CHTOP: variants seen among roughly 807,000 people sequenced by gnomAD.
The protein encoded by CHTOP is chromatin target of PRMT1.
A neutral mutation model predicts 33.6 loss-of-function variants in CHTOP; 18 were observed. That is an observed-to-expected ratio of 0.54 (90% CI 0.37 to 0.80). The LOEUF (loss-of-function observed/expected upper bound fraction) is 0.80. Ranked by LOEUF, CHTOP falls within the 30% of genes least tolerant of loss-of-function variation. The pLI is 0.00. For missense variants in CHTOP, 263 were observed against 336.8 expected, an observed-to-expected ratio of 0.78 and a Z score of 1.71; for synonymous variants, 117 against 127.7, an observed-to-expected ratio of 0.92 and a Z score of 0.56.
chr1:153,642,097 C>A, intron 3 of CHTOP, 149 bp from the exon 4 acceptor site: 1 of 574,160 alleles, frequency 1.7e-6, no homozygotes. Flanking sequence ...AGGCTTGCTT[C>A]TGGTTTGGGA....
chr1:153,635,166 T>A (rs947517950), intron 1 of CHTOP, among the ~76,000 whole-genome samples: 2 of 151,366 alleles, frequency 1.3e-5, no homozygotes, highest in Non-Finnish European at 2.9e-5. Context: ...GTATTTTCAC[T>A]GTAGATCAGT....
chr1:153,642,518 T>C, intron 4 of CHTOP, 89 bp downstream of exon 4: 2 of 1,063,202 alleles, frequency 1.9e-6, no homozygotes, highest in African/African-American at 1.6e-5. Context: ...TTAACATCTT[T>C]AAGCCTGAAT....
At chr1:153,645,026 A>G (rs1668756836) in intron 5 of CHTOP, 38 bp from the exon 6 acceptor site, 1 of 1,556,384 alleles carries the variant, frequency 6.4e-7, no homozygotes, top group African/African-American at 1.4e-5. Context: ...ACTTACTTGT[A>G]ACTGTCTCTT....
chr1:153,638,377 G>A lies in CHTOP; in HGVS notation c.148G>A (p.Ala50Thr). 6.2e-7 allele frequency: 1 copy of A among 1,614,240 alleles called. No individual in the cohort carries two copies. Among genetic ancestry groups the A allele is most frequent in the South Asian group, 1.1e-5 (1 of 91,082 alleles). Residue 50 changes from alanine to threonine, a missense_variant, in exon 3 of 6, where the codon GCC becomes ACC. Coordinates refer to ENST00000368694, the MANE Select transcript of CHTOP (RefSeq NM_015607.4). ...SMQQQQQLAS[A>T]RNRRLAQQME... The stretch of plus-strand genomic sequence containing the variant: ...GCAGCAACAACAGCAGCTAGCCAGT[G>A]CCAGAAACAGAAGACTGGCCCAGCA...
chr1:153,636,635 A>T lies in CHTOP; in HGVS notation c.47A>T (p.Lys16Met). The change falls in exon 2 of 6, where the codon AAG becomes ATG. Residue 16 changes from lysine (K) to methionine (M), a missense_variant. Physicochemically the swap from Lys to Met is moderately conservative, Grantham distance 95 (BLOSUM62 -1). Around this residue, in one of 3 missense-constraint regions of CHTOP, gnomAD observed 73 missense variants for 108.9 expected, o/e 0.67. Coordinates refer to ENST00000368694, the MANE Select transcript of CHTOP (RefSeq NM_015607.4). The stretch of plus-strand genomic sequence containing the variant: ...AAAGTTGTGCTAAAAAGCACCACCA[A>T]GATGTCTCTAAATGAGCGGTGAGGC... ...APKVVLKSTT[K>M]MSLNERFTNM... The T allele has an allele frequency of 1.2e-6, 2 of 1,613,810 alleles. No individual in the cohort carries two copies. The highest frequency in any genetic ancestry group is 1.7e-6 in the Non-Finnish European group (2 of 1,179,688).
chr1:153,636,263 A>G (rs903763338), intron 1 of CHTOP, among the ~76,000 whole-genome samples: 24 of 151,962 alleles, frequency 1.6e-4, no homozygotes, highest in African/African-American at 5.6e-4. Context: ...GGTAATTGCC[A>G]TAGAAACTTA....
chr1:153,635,724 G>T (rs1668359403), intron 1 of CHTOP, among the ~76,000 whole-genome samples: 1 of 151,934 alleles, frequency 6.6e-6, no homozygotes, highest in Admixed American at 6.6e-5. Context: ...TCAGGAGGCT[G>T]AGGCAGGAGA....
intron 1 of CHTOP, among the ~76,000 whole-genome samples, chr1:153,635,493 T>C (rs888564857): frequency 1.3e-5 from 2 of 151,782 alleles, no homozygotes; most frequent in Non-Finnish European, 1.5e-5. Flanking sequence ...ATAAGTCATA[T>C]GTAGTCAAGG....
At chr1:153,640,436 T>C (rs1668579061) in intron 3 of CHTOP, among the ~76,000 whole-genome samples, 1 of 152,052 alleles carries the variant, frequency 6.6e-6, no homozygotes. Context: ...ACCACTGCAT[T>C]CCAGCTTGGG....
intron 1 of CHTOP, 123 bp from the exon 2 acceptor site, chr1:153,636,449 C>A: frequency 1.6e-6 from 1 of 611,142 alleles, no homozygotes; most frequent in East Asian, 2.9e-5. Flanking sequence ...TTGAAATGTG[C>A]CCTCGTGTGC....
At chr1:153,640,959 G>T (rs909517985) in intron 3 of CHTOP, among the ~76,000 whole-genome samples, 1 of 152,202 alleles carries the variant, frequency 6.6e-6, no homozygotes, top group Non-Finnish European at 1.5e-5. Flanking sequence ...TTCTTTTAAA[G>T]CACAAAGCTT....
At chr1:153,642,545 A>G in intron 4 of CHTOP, 116 bp downstream of exon 4, 2 of 767,744 alleles carry the variant, frequency 2.6e-6, no homozygotes, top group Non-Finnish European at 4.0e-6. Context: ...TAATATAATA[A>G]CTTCTGAAAT....
In CHTOP at chr1:153,643,461, G is replaced by A. The variant is rs1668698210; in HGVS notation, c.541+97G>A. The stretch of plus-strand genomic sequence containing the variant: ...CTGCACAGCTTCAAGTCATAGGCAG[G>A]CTTCTTTGTTTGTCTTGTTTTGTTA... On this transcript the variant is annotated intron_variant, in intron 5 of 5. Coordinates refer to ENST00000368694, the MANE Select transcript of CHTOP (RefSeq NM_015607.4). The A allele has an allele frequency of 1.2e-5, 15 of 1,248,194 alleles. No individual in the cohort carries two copies. The South Asian group carries it at 3.0e-4, about 25-fold the overall frequency. 77.3% of individuals were successfully genotyped at this position (1,248,194 alleles called of 1,614,324 possible). A position where few individuals can be genotyped will look rare whatever the true frequency, so the allele number is the denominator to read the frequency against.
chr1:153,643,454 T>C, intron 5 of CHTOP, 90 bp downstream of exon 5: 1 of 1,279,836 alleles, frequency 7.8e-7, no homozygotes, highest in Non-Finnish European at 1.0e-6. Context: ...CTTCAAGTCA[T>C]AGGCAGGCTT....
chr1:153,642,251 A>C lies in CHTOP; in HGVS notation c.225A>C (p.Leu75Phe). 2 of 1,610,436 alleles carry C rather than the reference A, an allele frequency of 1.2e-6. No homozygotes were observed. The highest frequency in any genetic ancestry group is 1.7e-6 in the Non-Finnish European group (2 of 1,177,732). ...VQAALKLKQS[L>F]KQRLGKSNIQ... ...AACACCTTTTCTTCCAGAAGAGCTT[A>C]AAGCAGCGCCTGGGTAAGAGTAACA... The change falls in exon 4 of 6, where the codon TTA (leucine) becomes TTC (phenylalanine). Residue 75 changes from leucine to phenylalanine, a missense_variant. Around this residue, in one of 3 missense-constraint regions of CHTOP, gnomAD observed 73 missense variants for 108.9 expected, o/e 0.67. Coordinates refer to ENST00000368694, the MANE Select transcript of CHTOP (RefSeq NM_015607.4).
chr1:153,643,388 G>GAGT (rs1206465436), intron 5 of CHTOP, 24 bp downstream of exon 5: 2 of 1,502,806 alleles, frequency 1.3e-6, no homozygotes. Flanking sequence ...CAACTTCAGA[G>GAGT]AGTAGCTCCC....
At chr1:153,640,457 A>G (rs933533568) in intron 3 of CHTOP, among the ~76,000 whole-genome samples, 1 of 151,700 alleles carries the variant, frequency 6.6e-6, no homozygotes, top group Non-Finnish European at 1.5e-5. Context: ...TGACAGTGAG[A>G]CTCTGTCTCA....
chr1:153,636,460 T>C, intron 1 of CHTOP, 112 bp from the exon 2 acceptor site: 1 of 709,026 alleles, frequency 1.4e-6, no homozygotes. Context: ...CCTCGTGTGC[T>C]CTTTAGTCAT....
chr1:153,639,014 G>A (rs1401415427), intron 3 of CHTOP, among the ~76,000 whole-genome samples: 4 of 151,942 alleles, frequency 2.6e-5, no homozygotes, highest in Admixed American at 2.0e-4. Context: ...CCGAACAGCT[G>A]GGACTAAAGG....
Sources: gnomAD v4.1 joint callset for allele counts (sites outside exome capture counted in the v4.1 genomes callset) on GRCh38, gnomAD v4.1.1 for gene constraint, gnomAD v4.1.1 regional missense constraint, MANE v1.5 for transcripts, NCBI Gene and HGNC (gene_info 2026-07-23, HGNC 2026-07-21) for gene names.